Variants in GABRA3 observed in about 807,000 individuals in gnomAD.
GABRA3 encodes the protein gamma-aminobutyric acid type A receptor subunit alpha3, also known as gamma-aminobutyric acid receptor subunit alpha-3.
Under a neutral mutation model 30.1 loss-of-function variants are expected in GABRA3, and 10 were observed. The observed-to-expected ratio is 0.33, with a 90% CI of 0.20 to 0.56. The LOEUF is 0.56. GABRA3 is among the 20% of genes least tolerant of loss of function. The pLI is 0.89. For missense variants in GABRA3, 233 were observed against 392.0 expected, an observed-to-expected ratio of 0.59 and a Z score of 3.42; for synonymous variants, 151 against 146.8, an observed-to-expected ratio of 1.03 and a Z score of -0.21.
intron 1 of GABRA3, among the ~76,000 whole-genome samples, chrX:152,373,743 C>T (rs796301721): frequency 3.6e-5 from 4 of 110,421 alleles, no homozygotes; most frequent in South Asian, 7.8e-4. Context: ...TCGTTATTTA[C>T]GTTAGGTATT....
At chrX:152,241,261 G>A (rs1194400999) in intron 5 of GABRA3, among the ~76,000 whole-genome samples, 1 of 96,190 alleles carries the variant, frequency 1.0e-5, no homozygotes, top group African/African-American at 3.4e-5. Flanking sequence ...CCTGCAGTGT[G>A]AGGTGTCAGT....
chrX:152,367,038 G>A (rs1928677829), intron 1 of GABRA3, among the ~76,000 whole-genome samples: 2 of 110,741 alleles, frequency 1.8e-5, no homozygotes, highest in African/African-American at 6.6e-5. Flanking sequence ...TGTAGTGTAC[G>A]AACACACAAA....
intron 1 of GABRA3, among the ~76,000 whole-genome samples, chrX:152,424,353 C>G (rs1930460453): frequency 9.1e-6 from 1 of 110,285 alleles, no homozygotes; most frequent in African/African-American, 3.3e-5. Context: ...AACACTAGTT[C>G]AAGCCATTAC....
chrX:152,277,502 G>A (rs955404077), intron 4 of GABRA3, among the ~76,000 whole-genome samples: 1 of 110,925 alleles, frequency 9.0e-6, no homozygotes, highest in Non-Finnish European at 1.9e-5. Flanking sequence ...GTATACCATA[G>A]GAAATTTTCT....
At chrX:152,310,933 C>T in intron 3 of GABRA3, among the ~76,000 whole-genome samples, 1 of 111,276 alleles carries the variant, frequency 9.0e-6, no homozygotes, top group East Asian at 2.8e-4. Flanking sequence ...TTACGAGCAC[C>T]TCTATGATCA....
At chrX:152,284,885 C>A (rs193022758) in intron 3 of GABRA3, 150 bp from the exon 4 acceptor site, 66 of 333,413 alleles carry the variant, frequency 2.0e-4, no homozygotes, top group African/African-American at 1.5e-3. Flanking sequence ...GCTATCTCTT[C>A]ACAGGGAACA....
At chrX:152,342,747 T>C (rs1444770772) in intron 3 of GABRA3, among the ~76,000 whole-genome samples, 1 of 111,855 alleles carries the variant, frequency 8.9e-6, no homozygotes, top group African/African-American at 3.3e-5. Context: ...AATAGTTAAA[T>C]TCTTTGAAGC....
chrX:152,182,572 ATG>A (rs1491532111), intron 9 of GABRA3, among the ~76,000 whole-genome samples: 97 of 75,845 alleles, frequency 1.3e-3, no homozygotes, highest in African/African-American at 5.0e-3. Context: ...TATACTATAT[ATG>A]CATATATAGT....
intron 3 of GABRA3, among the ~76,000 whole-genome samples, chrX:152,344,426 T>C (rs1940360623): frequency 1.8e-5 from 2 of 111,834 alleles, no homozygotes; most frequent in African/African-American, 6.5e-5. Flanking sequence ...CAATAGAATG[T>C]CATTTAGTAA....
chrX:152,301,798 C>G (rs1939636510), intron 3 of GABRA3, among the ~76,000 whole-genome samples: 1 of 111,415 alleles, frequency 9.0e-6, no homozygotes, highest in Admixed American at 9.6e-5. Context: ...TCCCAAAAAG[C>G]TGGGATTACA....
chrX:152,405,306 CAAAAAA>C lies in GABRA3; in HGVS notation c.-26-40716_-26-40711del, dbSNP rs1182138088. Among the ~76,000 whole-genome samples, 202 of 33,727 alleles carry C rather than the reference CAAAAAA, an allele frequency of 6.0e-3. 2 individuals carry two copies. In the South Asian group the frequency reaches 0.16, roughly 26 times the overall value. The allele number at this position is 33,727 out of a possible 115,157, so 29.3% of individuals were successfully genotyped here. ...GCCAGAGGGTACTTACGCACCCTTG[CAAAAAA>C]AAAAAAAAAAAAAAAATGCAAGTCC... On this transcript the variant is annotated intron_variant, in intron 1 of 9. Coordinates refer to ENST00000370314, the MANE Select transcript of GABRA3 (RefSeq NM_000808.4).
intron 7 of GABRA3, among the ~76,000 whole-genome samples, chrX:152,199,348 A>G (rs1264997470): frequency 9.5e-6 from 1 of 104,732 alleles, no homozygotes; most frequent in African/African-American, 3.4e-5. Context: ...CCTGGGCAAC[A>G]GGCGAGACTC....
chrX:152,346,229 C>G (rs1940390521), intron 2 of GABRA3, among the ~76,000 whole-genome samples: 2 of 111,356 alleles, frequency 1.8e-5, no homozygotes, highest in Non-Finnish European at 3.8e-5. Flanking sequence ...CAAGAACATA[C>G]ACTGGAAAAA....
chrX:152,225,432 G>GCGCACGCACA (rs35196156), intron 5 of GABRA3, among the ~76,000 whole-genome samples: 1 of 96,491 alleles, frequency 1.0e-5, no homozygotes, highest in African/African-American at 3.8e-5. Context: ...ACACACACAC[G>GCGCACGCACA]CACACACACA....
At chrX:152,283,878 T>C (rs1437991912) in intron 4 of GABRA3, among the ~76,000 whole-genome samples, 2 of 112,345 alleles carry the variant, frequency 1.8e-5, no homozygotes, top group Non-Finnish European at 3.8e-5. Context: ...AAGTCAGTCA[T>C]TCAACAAAAA....
intron 1 of GABRA3, among the ~76,000 whole-genome samples, chrX:152,406,266 C>G (rs974526959): frequency 9.1e-6 from 1 of 110,047 alleles, no homozygotes; most frequent in Non-Finnish European, 1.9e-5. Flanking sequence ...CTAAATTTTC[C>G]AATAAAAGAT....
intron 4 of GABRA3, 56 bp from the exon 5 acceptor site, chrX:152,256,054 A>AT: frequency 6.9e-6 from 6 of 867,115 alleles, no homozygotes; most frequent in African/African-American, 2.0e-5. Flanking sequence ...AAGGGCTCAT[A>AT]GTGCCCTTAG....
At chrX:152,436,785 C>T (rs1930787473) in intron 1 of GABRA3, among the ~76,000 whole-genome samples, 1 of 111,309 alleles carries the variant, frequency 9.0e-6, no homozygotes, top group Admixed American at 9.6e-5. Flanking sequence ...CTACAAAACT[C>T]TAGAACAAAA....
intron 5 of GABRA3, among the ~76,000 whole-genome samples, chrX:152,246,856 C>CA (rs888596908): frequency 1.2e-4 from 13 of 108,813 alleles, no homozygotes; most frequent in Admixed American, 3.9e-4. Context: ...AAAGCCATTA[C>CA]AAAAAAAAAG....
Sources: allele counts gnomAD v4.1 joint callset (sites outside exome capture counted in the v4.1 genomes callset), GRCh38; gene constraint gnomAD v4.1.1; transcripts MANE v1.5; gene names NCBI Gene and HGNC (gene_info 2026-07-23, HGNC 2026-07-21).